Variants in BMPR1A observed in about 807,000 individuals in gnomAD.
The protein encoded by BMPR1A is bone morphogenetic protein receptor type-1A.
BMPR1A carries 7 observed loss-of-function variants against 66.0 expected under a neutral mutation model. That is an observed-to-expected ratio of 0.11 (90% CI 0.06 to 0.20). BMPR1A has a LOEUF of 0.20. Ranked by LOEUF, BMPR1A falls within the 10% of genes least tolerant of loss-of-function variation. The probability of loss-of-function intolerance (pLI) is 1.00; values close to 1 mark genes in which losing one functional copy is unlikely to be tolerated. For synonymous variants in BMPR1A, 200 were observed against 229.7 expected, an observed-to-expected ratio of 0.87 and a Z score of 1.17; for missense variants, 408 against 669.1, an observed-to-expected ratio of 0.61 and a Z score of 4.31.
chr10:86,895,295 T>C (rs1051389087), intron 5 of BMPR1A, among the ~76,000 whole-genome samples: 4 of 152,148 alleles, frequency 2.6e-5, no homozygotes, highest in Non-Finnish European at 5.9e-5. Context: ...CCCAGCACTT[T>C]GGGAGGCCGA....
intron 2 of BMPR1A, among the ~76,000 whole-genome samples, chr10:86,840,419 G>A (rs1398562939): frequency 6.6e-6 from 1 of 152,046 alleles, no homozygotes; most frequent in Non-Finnish European, 1.5e-5. Flanking sequence ...CTATGATTGT[G>A]TGCTCTTCTG....
intron 2 of BMPR1A, among the ~76,000 whole-genome samples, chr10:86,866,417 T>TTTC (rs1842788868): frequency 3.0e-5 from 4 of 134,780 alleles, no homozygotes; most frequent in African/African-American, 1.1e-4. Flanking sequence ...TTTTTTTTTT[T>TTTC]TTTTTTTTTG....
At chr10:86,815,135 G>A (rs978203486) in intron 1 of BMPR1A, among the ~76,000 whole-genome samples, 1 of 152,038 alleles carries the variant, frequency 6.6e-6, no homozygotes, top group African/African-American at 2.4e-5. Flanking sequence ...TGAAAACTTT[G>A]CCATGGGTCA....
At chr10:86,842,454 G>T (rs886306835) in intron 2 of BMPR1A, among the ~76,000 whole-genome samples, 7 of 152,086 alleles carry the variant, frequency 4.6e-5, no homozygotes, top group South Asian at 2.1e-4. Flanking sequence ...AATAATTTTT[G>T]TATGGCTTGA....
chr10:86,858,850 A>G (rs2133221911), intron 2 of BMPR1A, among the ~76,000 whole-genome samples: 1 of 152,306 alleles, frequency 6.6e-6, no homozygotes, highest in South Asian at 2.1e-4. Flanking sequence ...CCATACTACC[A>G]AAAGCAAGCT....
chr10:86,931,252 AAAAGAAAAAAAAAT>A (rs1274215577), downstream of BMPR1A: 2 of 98,132 alleles, frequency 2.0e-5, no homozygotes, highest in Non-Finnish European at 3.5e-5. Context: ...CAAAAAAAAA[AAAAGAAAAAAAAAT>A]ATATATATAT....
intron 1 of BMPR1A, among the ~76,000 whole-genome samples, chr10:86,788,199 C>A (rs1206614285): frequency 6.6e-6 from 1 of 151,984 alleles, no homozygotes; most frequent in Non-Finnish European, 1.5e-5. Flanking sequence ...TTTCTTAATG[C>A]TTTTTAAAAT....
At chr10:86,920,693 C>G (rs1843648819) in intron 10 of BMPR1A, among the ~76,000 whole-genome samples, 1 of 152,076 alleles carries the variant, frequency 6.6e-6, no homozygotes, top group Non-Finnish European at 1.5e-5. Flanking sequence ...CAACAGAACT[C>G]TGTTGATGGG....
chr10:86,792,063 CTTTTT>C (rs35251758), intron 1 of BMPR1A, among the ~76,000 whole-genome samples: 2 of 83,602 alleles, frequency 2.4e-5, no homozygotes, highest in African/African-American at 4.1e-5. Context: ...ACTGTCAGAT[CTTTTT>C]TTTTTTTTTT....
chr10:86,761,186 C>T (rs561227922), intron 1 of BMPR1A, among the ~76,000 whole-genome samples: 1 of 152,242 alleles, frequency 6.6e-6, no homozygotes, highest in African/African-American at 2.4e-5. Flanking sequence ...TAAGCCAGTT[C>T]GTATGGGCAG....
chr10:86,767,503 A>G (rs1841185391), intron 1 of BMPR1A, among the ~76,000 whole-genome samples: 1 of 151,792 alleles, frequency 6.6e-6, no homozygotes, highest in African/African-American at 2.4e-5. Context: ...ATATGTTGAG[A>G]CTCTGTCTCT....
intron 3 of BMPR1A, among the ~76,000 whole-genome samples, chr10:86,879,882 C>T (rs751028561): frequency 1.3e-5 from 2 of 152,236 alleles, no homozygotes; most frequent in African/African-American, 2.4e-5. Flanking sequence ...TCAGTATTCA[C>T]TGCTCCATAG....
At chr10:86,832,301 A>C (rs1842280547) in intron 1 of BMPR1A, among the ~76,000 whole-genome samples, 1 of 152,100 alleles carries the variant, frequency 6.6e-6, no homozygotes, top group Admixed American at 6.5e-5. Flanking sequence ...CCCTGTCTCT[A>C]CTAAAAATAC....
Position 86,927,501 on chromosome 10 carries a change from G to A in BMPR1A, c.*3782G>A. The A allele has an allele frequency of 5.0e-6, 1 of 200,642 alleles. No homozygotes were observed. Among genetic ancestry groups the A allele is most frequent in the Non-Finnish European group, 1.0e-5 (1 of 97,372 alleles). 12.4% of individuals were successfully genotyped at this position (200,642 alleles called of 1,614,324 possible). ...AGTGGAAACTGCAGGGAGGAGGTGTGTTCCTAAGAACCAAAATCCAGCACA... is the reference window on the plus strand; with the variant it reads ...AGTGGAAACTGCAGGGAGGAGGTGTATTCCTAAGAACCAAAATCCAGCACA... On this transcript the variant is annotated 3_prime_UTR_variant, in exon 13 of 13. Coordinates refer to ENST00000372037, the MANE Select transcript of BMPR1A (RefSeq NM_004329.3).
intron 1 of BMPR1A, among the ~76,000 whole-genome samples, chr10:86,782,646 T>G (rs188723439): frequency 2.9e-4 from 44 of 152,306 alleles, no homozygotes; most frequent in African/African-American, 9.6e-4. Context: ...ATGTATCTTC[T>G]TTGTAAAAAT....
downstream of BMPR1A, chr10:86,931,298 C>CACACACACACATATATATATAT: frequency 1.1e-5 from 1 of 90,920 alleles, no homozygotes; most frequent in Non-Finnish European, 1.9e-5. Context: ...CACACACACA[C>CACACACACACATATATATATAT]ATATATATAT....
chr10:86,867,331 T>C (rs1334131097), intron 2 of BMPR1A, among the ~76,000 whole-genome samples: 1 of 152,256 alleles, frequency 6.6e-6, no homozygotes, highest in African/African-American at 2.4e-5. Context: ...AAAACACTTC[T>C]GGTCCCAAGC....
intron 1 of BMPR1A, among the ~76,000 whole-genome samples, chr10:86,837,268 T>TGTGTGTGTGTGTAA (rs766878330): frequency 4.6e-5 from 7 of 151,808 alleles, no homozygotes; most frequent in Admixed American, 6.6e-5. Flanking sequence ...TGTGTGTGTG[T>TGTGTGTGTGTGTAA]GTGTGTAATC....
At chr10:86,822,719 C>G (rs1842138267) in intron 1 of BMPR1A, among the ~76,000 whole-genome samples, 1 of 152,026 alleles carries the variant, frequency 6.6e-6, no homozygotes, top group South Asian at 2.1e-4. Context: ...TCACTGCAAC[C>G]TCTGCCTCCT....
Sources: allele counts gnomAD v4.1 joint callset (sites outside exome capture counted in the v4.1 genomes callset), GRCh38; gene constraint gnomAD v4.1.1; transcripts MANE v1.5; gene names NCBI Gene and HGNC (gene_info 2026-07-23, HGNC 2026-07-21).